Variants in SLMAP observed in about 807,000 individuals in gnomAD.
SLMAP encodes the protein sarcolemma associated protein, also known as sarcolemmal membrane-associated protein.
Under a neutral mutation model 128.8 loss-of-function variants are expected in SLMAP, and 44 were observed. The observed-to-expected ratio is 0.34, with a 90% CI of 0.27 to 0.44. The LOEUF (loss-of-function observed/expected upper bound fraction) is 0.44. Ranked by LOEUF, SLMAP falls within the 20% of genes least tolerant of loss-of-function variation. SLMAP has a pLI of 1.00. For missense variants in SLMAP, 787 were observed against 985.3 expected, an observed-to-expected ratio of 0.80 and a Z score of 2.69; for synonymous variants, 327 against 348.8, an observed-to-expected ratio of 0.94 and a Z score of 0.70.
At chr3:57,777,491 G>T (rs1033033059) in intron 2 of SLMAP, among the ~76,000 whole-genome samples, 1 of 152,046 alleles carries the variant, frequency 6.6e-6, no homozygotes, top group East Asian at 1.9e-4. Flanking sequence ...GGGCTAAGAC[G>T]GGAGGACTGC....
rs528444752 is a variant in SLMAP at position 57,864,871 on chromosome 3, A to G, written c.1186+14A>G. ...GCAGCAGCTTGGGTAGGTGGCATCC[A>G]TATTTCTTACTTAAACCTGAATTTT... On this transcript the variant is annotated intron_variant, in intron 12 of 24. Transcript: ENST00000671191. 1.7e-5 allele frequency: 27 copies of G among 1,553,416 alleles called. No homozygotes were observed. In the South Asian group the frequency reaches 2.8e-4, roughly 16 times the overall value.
At position 57,919,745 on chromosome 3, in the gene SLMAP, A is replaced by G. The variant is rs1166450358; in HGVS notation, c.2310+2668A>G. On this transcript the variant is annotated intron_variant, in intron 22 of 24. Coordinates refer to ENST00000671191, the MANE Select transcript of SLMAP (RefSeq NM_001377540.1). ...GGGAAGTGGAGGTTGTGGTAAGCCA[A>G]GATCGCACCATTGCACTCCAGCCTA... Among the ~76,000 whole-genome samples the G allele has an allele frequency of 2.6e-5, 4 of 151,876 alleles. No individual in the cohort carries two copies. The East Asian group carries it at 7.7e-4, about 29-fold the overall frequency.
chr3:57,767,423 A>C (rs1389324764), intron 2 of SLMAP, among the ~76,000 whole-genome samples: 7 of 152,212 alleles, frequency 4.6e-5, no homozygotes, highest in Non-Finnish European at 1.0e-4. Flanking sequence ...GTTAGTTCTC[A>C]ATTTGAGATC....
intron 2 of SLMAP, among the ~76,000 whole-genome samples, chr3:57,773,673 C>A (rs915039414): frequency 7.9e-5 from 12 of 152,154 alleles, no homozygotes; most frequent in Admixed American, 5.9e-4. Flanking sequence ...TATGAAACAC[C>A]TGTCTGCTTT....
In SLMAP at chr3:57,779,693, G is replaced by C. The variant is rs192281370; in HGVS notation, c.198+21844G>C. On this transcript the variant is annotated intron_variant, in intron 2 of 24. Coordinates refer to ENST00000671191, the MANE Select transcript of SLMAP (RefSeq NM_001377540.1). ...AAGATGTTTTAAATACTTTATAAAT[G>C]AATACTTATTTGATTCTCATAATCA... Among the ~76,000 whole-genome samples the C allele has an allele frequency of 7.6e-4, 115 of 152,080 alleles. 1 individual carries two copies. The highest frequency in any genetic ancestry group is 2.3e-3 in the African/African-American group (95 of 41,520).
At position 57,928,479 on chromosome 3, in the gene SLMAP, G is replaced by GA. The variant is rs1328451357; in HGVS notation, c.*1194dup. The GA allele has an allele frequency of 6.6e-6, 1 of 152,146 alleles. No individual in the cohort carries two copies. The highest frequency in any genetic ancestry group is 2.4e-5 in the African/African-American group (1 of 41,446). 9.4% of individuals were successfully genotyped at this position (152,146 alleles called of 1,614,324 possible). On this transcript the variant is annotated 3_prime_UTR_variant, in exon 25 of 25. Transcript: ENST00000671191. ...TTGTTAATTGGGACTTTCTGTTAAT[G>GA]AAAAGCACTATTCCCAAGATTAATA...
chr3:57,768,320 G>A (rs1436848882), intron 2 of SLMAP, among the ~76,000 whole-genome samples: 2 of 152,102 alleles, frequency 1.3e-5, no homozygotes, highest in Non-Finnish European at 2.9e-5. Flanking sequence ...TTATATATAA[G>A]TACTGACTTA....
chr3:57,895,687 A>T (rs2096225715), intron 15 of SLMAP, among the ~76,000 whole-genome samples: 1 of 152,026 alleles, frequency 6.6e-6, no homozygotes, highest in African/African-American at 2.4e-5. Flanking sequence ...CATGCCTGTA[A>T]TTCTAGTGCT....
chr3:57,885,523 G>C (rs908265196), intron 14 of SLMAP, among the ~76,000 whole-genome samples: 6 of 141,868 alleles, frequency 4.2e-5, no homozygotes, highest in African/African-American at 1.6e-4. Context: ...GGGTTCAAGC[G>C]ATTCTCCTGC....
chr3:57,925,171 T>C (rs2096983025), intron 23 of SLMAP, among the ~76,000 whole-genome samples: 1 of 151,884 alleles, frequency 6.6e-6, no homozygotes, highest in South Asian at 2.1e-4. Flanking sequence ...TCCAGGCTGG[T>C]CTCAAACTCC....
chr3:57,929,085 A>G lies in SLMAP; in HGVS notation c.*1796A>G, dbSNP rs1391096358. The G allele has an allele frequency of 2.0e-5, 3 of 152,650 alleles. No homozygotes were observed. The highest frequency in any genetic ancestry group is 3.8e-4 in the East Asian group (2 of 5,208). The allele number at this position is 152,650 out of a possible 1,614,324, so 9.5% of individuals were successfully genotyped here. ...CTATTTTGTAAAGATATAAAGTACA[A>G]TAGAATTTCTGGAGTACAGATTAAA... On this transcript the variant is annotated 3_prime_UTR_variant, in exon 25 of 25. Coordinates refer to ENST00000671191, the MANE Select transcript of SLMAP (RefSeq NM_001377540.1).
rs1310019781 is a variant in SLMAP at position 57,904,534 on chromosome 3, A to G, written c.1502-3350A>G. Among the ~76,000 whole-genome samples, 100 of 152,334 alleles carry G rather than the reference A, an allele frequency of 6.6e-4. 1 individual carries two copies. Among genetic ancestry groups the G allele is most frequent in the Non-Finnish European group, 1.2e-4 (8 of 68,020 alleles). On this transcript the variant is annotated intron_variant, in intron 17 of 24. Transcript: ENST00000671191. The stretch of plus-strand genomic sequence containing the variant: ...TTATGTAACTACCATACAATTCTCA[A>G]AATTAAGAAATTAACATGGGTACAT...
At chr3:57,881,053 G>T (rs368253834) in intron 14 of SLMAP, among the ~76,000 whole-genome samples, 4 of 152,048 alleles carry the variant, frequency 2.6e-5, no homozygotes, top group Admixed American at 2.6e-4. Flanking sequence ...AATTAGCCAG[G>T]CATGGTGGCG....
chr3:57,853,924 A>G (rs573956538), intron 6 of SLMAP, among the ~76,000 whole-genome samples: 1 of 115,026 alleles, frequency 8.7e-6, no homozygotes, highest in South Asian at 3.1e-4. Flanking sequence ...CTGGACAATA[A>G]GGGTGAAATT....
intron 22 of SLMAP, among the ~76,000 whole-genome samples, chr3:57,921,250 T>C (rs367937149): frequency 1.1e-4 from 17 of 152,352 alleles, no homozygotes; most frequent in African/African-American, 4.1e-4. Flanking sequence ...TTTAAAAAGA[T>C]GTGACTCTAT....
chr3:57,775,231 T>C (rs1188109295), intron 2 of SLMAP, among the ~76,000 whole-genome samples: 1 of 151,764 alleles, frequency 6.6e-6, no homozygotes, highest in Non-Finnish European at 1.5e-5. Flanking sequence ...TTTTTTTGTA[T>C]TTTTAGTAGA....
At chr3:57,851,276 G>A (rs188996851) in intron 6 of SLMAP, among the ~76,000 whole-genome samples, 10 of 151,510 alleles carry the variant, frequency 6.6e-5, no homozygotes, top group Admixed American at 4.6e-4. Flanking sequence ...TTGGTGTAGA[G>A]CAGATACTGC....
intron 2 of SLMAP, among the ~76,000 whole-genome samples, chr3:57,761,996 G>A (rs1393634790): frequency 6.7e-6 from 1 of 148,646 alleles, no homozygotes; most frequent in Non-Finnish European, 1.5e-5. Context: ...GCAGTGAGCC[G>A]AGATTGCGCC....
rs936520115 is a variant in SLMAP at position 57,852,278 on chromosome 3, A to G, written c.519+2462A>G. ...ATCTTAGTTAAGAATGTACACATCTATGAAAATGAACAGAAAATTATCAAT... is the reference window on the plus strand; with the variant it reads ...ATCTTAGTTAAGAATGTACACATCTGTGAAAATGAACAGAAAATTATCAAT... On this transcript the variant is annotated intron_variant, in intron 6 of 24. Transcript: ENST00000671191. 1.8e-4 allele frequency among the ~76,000 whole-genome samples: 28 copies of G among 152,338 alleles called. 1 individual carries two copies. The highest frequency in any genetic ancestry group is 5.5e-4 in the African/African-American group (23 of 41,574).
Sources: gnomAD v4.1 joint callset for allele counts (sites outside exome capture counted in the v4.1 genomes callset) on GRCh38, gnomAD v4.1.1 for gene constraint, MANE v1.5 for transcripts, NCBI Gene and HGNC (gene_info 2026-07-23, HGNC 2026-07-21) for gene names.